RHOBTB1: variants seen among roughly 807,000 people sequenced by gnomAD.
RHOBTB1 encodes the protein rho-related BTB domain-containing protein 1.
RHOBTB1 carries 40 observed loss-of-function variants against 71.6 expected under a neutral mutation model. The observed-to-expected ratio is 0.56, with a 90% confidence interval of 0.43 to 0.73. RHOBTB1 has a LOEUF of 0.73. Ranked by LOEUF, RHOBTB1 falls within the 30% of genes least tolerant of loss-of-function variation. The probability of loss-of-function intolerance (pLI) is 0.00; values close to 1 mark genes in which losing one functional copy is unlikely to be tolerated. For synonymous variants in RHOBTB1, 319 were observed against 334.9 expected (o/e 0.95, Z 0.52); for missense variants, 797 against 894.0 (o/e 0.89, Z 1.38).
intron 2 of RHOBTB1, among the ~76,000 whole-genome samples, chr10:60,933,200 A>G (rs1019703778): frequency 2.0e-5 from 3 of 152,202 alleles, no homozygotes; most frequent in African/African-American, 4.8e-5. Context: ...AGTATTTTTC[A>G]GGGCATGTTC....
chr10:60,957,139 A>C (rs572932339), intron 2 of RHOBTB1, among the ~76,000 whole-genome samples: 1 of 152,214 alleles, frequency 6.6e-6, no homozygotes, highest in Admixed American at 6.5e-5. Flanking sequence ...AGACCAGCCT[A>C]AGGCTGTTTG....
intron 2 of RHOBTB1, among the ~76,000 whole-genome samples, chr10:60,915,119 T>C (rs1334277747): frequency 6.6e-6 from 1 of 152,198 alleles, no homozygotes; most frequent in Non-Finnish European, 1.5e-5. Flanking sequence ...ATGCTACAGT[T>C]GCATTGTTGT....
intron 7 of RHOBTB1, among the ~76,000 whole-genome samples, chr10:60,880,336 C>T (rs1229019002): frequency 6.6e-6 from 1 of 152,032 alleles, no homozygotes; most frequent in Non-Finnish European, 1.5e-5. Flanking sequence ...GGCTTATGCA[C>T]TCTGGCAGTG....
rs143565088 is a variant in RHOBTB1 at position 60,869,991 on chromosome 10, C to A, written c.*1491G>T. 29 of 152,692 alleles carry A rather than the reference C, an allele frequency of 1.9e-4. No homozygotes were observed. The highest frequency in any genetic ancestry group is 7.0e-4 in the African/African-American group (29 of 41,544). 9.5% of individuals were successfully genotyped at this position (152,692 alleles called of 1,614,324 possible). A position where few individuals can be genotyped will look rare whatever the true frequency, so the allele number is the denominator to read the frequency against. On this transcript the variant is annotated 3_prime_UTR_variant, in exon 11 of 11. Coordinates refer to ENST00000337910, the MANE Select transcript of RHOBTB1 (RefSeq NM_014836.5). ...GACTCAACTGTCTCATTTCCATCTT[C>A]TGAAAAGCTAGAAGAAAAAATAAAA...
At chr10:60,876,580 C>G (rs190608127) in intron 8 of RHOBTB1, among the ~76,000 whole-genome samples, 2 of 152,118 alleles carry the variant, frequency 1.3e-5, no homozygotes, top group Non-Finnish European at 2.9e-5. Context: ...ATTTATAAAA[C>G]CTGTGGATAG....
At chr10:60,874,299 C>G (rs774164775) in intron 9 of RHOBTB1, among the ~76,000 whole-genome samples, 2 of 152,330 alleles carry the variant, frequency 1.3e-5, no homozygotes, top group Admixed American at 1.3e-4. Flanking sequence ...GGCTTACACT[C>G]TTCAGTGCTC....
At chr10:60,967,334 C>A (rs143055291) in intron 2 of RHOBTB1, among the ~76,000 whole-genome samples, 179 of 148,260 alleles carry the variant, frequency 1.2e-3, no homozygotes, top group Non-Finnish European at 8.0e-4. Flanking sequence ...ACTCTGTTGC[C>A]CAGGCTGGAG....
intron 2 of RHOBTB1, among the ~76,000 whole-genome samples, chr10:60,940,413 C>G (rs1347948185): frequency 3.9e-5 from 6 of 152,090 alleles, no homozygotes; most frequent in Admixed American, 3.9e-4. Flanking sequence ...CAGGCAAAAC[C>G]TGAAAAAGTC....
chr10:60,886,044 C>A, intron 7 of RHOBTB1, 68 bp downstream of exon 7: 1 of 1,190,990 alleles, frequency 8.4e-7, no homozygotes, highest in Non-Finnish European at 1.2e-6. Flanking sequence ...TGTTTACCCA[C>A]TTTATATAAA....
intron 4 of RHOBTB1, among the ~76,000 whole-genome samples, chr10:60,905,396 G>A (rs2082618253): frequency 7.9e-6 from 1 of 127,134 alleles, no homozygotes; most frequent in Non-Finnish European, 1.5e-5. Flanking sequence ...GTTGCAGCAA[G>A]CCAAGATCGC....
intron 4 of RHOBTB1, among the ~76,000 whole-genome samples, chr10:60,900,683 A>G (rs1207754781): frequency 6.6e-6 from 1 of 152,220 alleles, no homozygotes; most frequent in East Asian, 1.9e-4. Flanking sequence ...TGCATATACA[A>G]ATGTGTCTGC....
At chr10:60,931,177 G>A (rs2084228441) in intron 2 of RHOBTB1, among the ~76,000 whole-genome samples, 1 of 152,016 alleles carries the variant, frequency 6.6e-6, no homozygotes, top group African/African-American at 2.4e-5. Context: ...TTAAAAAAAT[G>A]TGAGATAAAA....
intron 5 of RHOBTB1, among the ~76,000 whole-genome samples, chr10:60,892,191 A>G (rs891184936): frequency 6.6e-6 from 1 of 152,358 alleles, no homozygotes; most frequent in East Asian, 1.9e-4. Context: ...GACATTTTAT[A>G]TATAGTGAAA....
rs776476395 is a variant in RHOBTB1, at chr10:60,878,048, G to A, written c.1586C>T (p.Pro529Leu). 5.0e-5 allele frequency: 80 copies of A among 1,610,166 alleles called. No individual in the cohort carries two copies. The highest frequency in any genetic ancestry group is 6.1e-5 in the Non-Finnish European group (72 of 1,178,702). The part of the protein sequence containing the change: ...VESANSEVYL[P>L]NINKISMQAV... ...TTGCATTGATATCTTGTTTATGTTCGGGAGATACACCTGAAATGTTATACA... is the reference window on the plus strand; with the variant it reads ...TTGCATTGATATCTTGTTTATGTTCAGGAGATACACCTGAAATGTTATACA... The change falls in exon 8 of 11, where the codon CCG becomes CTG. Residue 529 changes from proline to leucine, a missense_variant. Coordinates refer to ENST00000337910, the MANE Select transcript of RHOBTB1 (RefSeq NM_014836.5).
At chr10:60,948,987 T>C (rs926380281), upstream of RHOBTB1, among the ~76,000 whole-genome samples, 2 of 152,208 alleles carry the variant, frequency 1.3e-5, no homozygotes, top group South Asian at 4.1e-4. Context: ...TGTTAGCTTC[T>C]AGCAATGAGG....
chr10:60,937,147 A>C (rs1022899278), intron 2 of RHOBTB1, among the ~76,000 whole-genome samples: 3 of 152,190 alleles, frequency 2.0e-5, no homozygotes, highest in Admixed American at 6.5e-5. Flanking sequence ...GTTGGCAAGG[A>C]CTCGGTTCCA....
intron 2 of RHOBTB1, among the ~76,000 whole-genome samples, chr10:60,926,264 A>G (rs73266019): frequency 0.064 from 9,743 of 152,206 alleles, 550 homozygotes; most frequent in African/African-American, 0.15. Context: ...AATATGGACA[A>G]GACCTGATGG....
intron 4 of RHOBTB1, among the ~76,000 whole-genome samples, chr10:60,897,376 C>A (rs1032645256): frequency 6.6e-5 from 10 of 152,216 alleles, no homozygotes; most frequent in African/African-American, 2.4e-4. Context: ...CTTCTAAATT[C>A]TTTCCTGTCA....
intron 2 of RHOBTB1, among the ~76,000 whole-genome samples, chr10:60,935,446 A>C (rs1443732910): frequency 6.6e-6 from 1 of 152,080 alleles, no homozygotes. Flanking sequence ...ATATACTGAT[A>C]ATTTTTTTTT....
Sources: gnomAD v4.1 joint callset for allele counts (sites outside exome capture counted in the v4.1 genomes callset) on GRCh38, gnomAD v4.1.1 for gene constraint, MANE v1.5 for transcripts, NCBI Gene and HGNC (gene_info 2026-07-23, HGNC 2026-07-21) for gene names.